TENM1: variants seen among roughly 807,000 people sequenced by gnomAD.
TENM1 encodes teneurin-1.
In TENM1, 35 loss-of-function variants were observed where a neutral mutation model predicts 174.8. The ratio of observed to expected loss-of-function variants is 0.20; its 90% CI spans 0.15 to 0.27. The LOEUF is 0.27. Among genes scored for constraint, TENM1 ranks in the 10% least tolerant of loss-of-function variants. TENM1 has a pLI of 1.00. For missense variants in TENM1, 1,633 were observed against 2,130.1 expected, an observed-to-expected ratio of 0.77 and a Z score of 4.59; for synonymous variants, 781 against 798.7, an observed-to-expected ratio of 0.98 and a Z score of 0.37.
chrX:125,085,410 T>A, the TENM1 span, among the ~76,000 whole-genome samples: 4 of 110,984 alleles, frequency 3.6e-5, no homozygotes, highest in Admixed American at 9.6e-5. Flanking sequence ...TTCCCCTTGG[T>A]AATTTTCTAG....
chrX:124,535,299 A>G (rs1305073764), intron 15 of TENM1, among the ~76,000 whole-genome samples: 2 of 111,726 alleles, frequency 1.8e-5, no homozygotes, highest in Admixed American at 1.9e-4. Flanking sequence ...AAGGCATATG[A>G]ACTCCTGGAG....
chrX:125,005,091 T>C, the TENM1 span, among the ~76,000 whole-genome samples: 1 of 109,192 alleles, frequency 9.2e-6, no homozygotes, highest in Non-Finnish European at 1.9e-5. Context: ...GAAAACTAAA[T>C]TTCTATTCAA....
chrX:124,577,190 C>T (rs1345761141), intron 11 of TENM1, among the ~76,000 whole-genome samples: 1 of 111,554 alleles, frequency 9.0e-6, no homozygotes, highest in Non-Finnish European at 1.9e-5. Flanking sequence ...TAGCAATCAT[C>T]AGGCAACCTT....
At chrX:124,926,003 C>T (rs2058086936) in intron 1 of TENM1, among the ~76,000 whole-genome samples, 1 of 112,099 alleles carries the variant, frequency 8.9e-6, no homozygotes, top group South Asian at 3.7e-4. Context: ...GAAACCAATA[C>T]TTCTATATGC....
intron 6 of TENM1, among the ~76,000 whole-genome samples, chrX:124,663,965 G>C (rs1428656485): frequency 9.0e-6 from 1 of 111,356 alleles, no homozygotes. Context: ...TATTGATAAA[G>C]TGATTTAATA....
At chrX:125,017,897 T>C in the TENM1 span, among the ~76,000 whole-genome samples, 2 of 111,221 alleles carry the variant, frequency 1.8e-5, no homozygotes, top group South Asian at 7.6e-4. Flanking sequence ...AGGGATAGCA[T>C]TAGGAGAAAT....
chrX:125,086,039 A>T, the TENM1 span, among the ~76,000 whole-genome samples: 1 of 111,044 alleles, frequency 9.0e-6, no homozygotes, highest in East Asian at 2.8e-4. Context: ...TAAAACTCTA[A>T]CATGAGATTT....
At chrX:124,585,864 G>A (rs1051450692) in intron 11 of TENM1, among the ~76,000 whole-genome samples, 4 of 110,521 alleles carry the variant, frequency 3.6e-5, no homozygotes, top group East Asian at 5.6e-4. Flanking sequence ...TATCACCACC[G>A]ATCCCACAGA....
chrX:124,859,637 T>C (rs1377068477), intron 3 of TENM1, among the ~76,000 whole-genome samples: 1 of 111,500 alleles, frequency 9.0e-6, no homozygotes, highest in African/African-American at 3.3e-5. Flanking sequence ...AATAACATTT[T>C]AGGTTTTGCA....
At chrX:124,769,648 T>G (rs973733416) in intron 3 of TENM1, among the ~76,000 whole-genome samples, 2 of 112,391 alleles carry the variant, frequency 1.8e-5, no homozygotes, top group African/African-American at 6.5e-5. Context: ...AGTACATTTA[T>G]GATACTTTAG....
At position 124,888,103 on chromosome X, in the gene TENM1, T is replaced by G. The variant is rs911326057; in HGVS notation, c.535+6193A>C. Among the ~76,000 whole-genome samples the G allele has an allele frequency of 7.2e-5, 8 of 111,829 alleles. No individual in the cohort carries two copies. The South Asian group carries it at 3.0e-3, about 42-fold the overall frequency. ...AAACCCAGGCATTAGGCTAGCCATT[T>G]TTTTCACAACTCCAGCGGTTTCCTT... On this transcript the variant is annotated intron_variant, in intron 3 of 31. Transcript: ENST00000422452.
intron 22 of TENM1, among the ~76,000 whole-genome samples, chrX:124,479,549 A>G (rs1368221776): frequency 1.8e-5 from 2 of 111,822 alleles, no homozygotes. Context: ...TCAAGAGTTC[A>G]TGTAAATCCT....
the TENM1 span, among the ~76,000 whole-genome samples, chrX:125,161,934 G>C: frequency 4.5e-5 from 5 of 111,991 alleles, no homozygotes; most frequent in Non-Finnish European, 7.5e-5. Flanking sequence ...GTGGATTATG[G>C]TAATTACGTG....
intron 3 of TENM1, among the ~76,000 whole-genome samples, chrX:124,856,724 T>A (rs771239206): frequency 3.1e-4 from 35 of 111,430 alleles, no homozygotes; most frequent in East Asian, 2.8e-4. Flanking sequence ...GAGATGAATA[T>A]TTCTGGACAC....
chrX:124,608,992 A>AGTAT (rs2050223294), intron 11 of TENM1, among the ~76,000 whole-genome samples: 1 of 111,356 alleles, frequency 9.0e-6, no homozygotes, highest in African/African-American at 3.3e-5. Context: ...AATGGTAAAC[A>AGTAT]TACTAACAGA....
At chrX:125,102,879 C>G in the TENM1 span, among the ~76,000 whole-genome samples, 1 of 112,016 alleles carries the variant, frequency 8.9e-6, no homozygotes, top group East Asian at 2.8e-4. Context: ...TGTCCCATCT[C>G]AGTACCCAGT....
At chrX:124,972,927 G>T in the TENM1 span, among the ~76,000 whole-genome samples, 1 of 111,889 alleles carries the variant, frequency 8.9e-6, no homozygotes, top group Non-Finnish European at 1.9e-5. Context: ...TACCTGAGAC[G>T]GGCTAATTTA....
At chrX:124,668,572 C>T (rs1012839799) in intron 6 of TENM1, among the ~76,000 whole-genome samples, 2 of 111,011 alleles carry the variant, frequency 1.8e-5, no homozygotes, top group Admixed American at 9.6e-5. Flanking sequence ...AGCGGGAAAC[C>T]GTCATTCTCA....
chrX:124,842,266 T>C (rs2056517923), intron 3 of TENM1, among the ~76,000 whole-genome samples: 1 of 111,523 alleles, frequency 9.0e-6, no homozygotes, highest in Non-Finnish European at 1.9e-5. Flanking sequence ...AATGAACAAA[T>C]GAAAAACCCC....
Sources: allele counts gnomAD v4.1 joint callset (sites outside exome capture counted in the v4.1 genomes callset), GRCh38; gene constraint gnomAD v4.1.1; transcripts MANE v1.5; gene names NCBI Gene and HGNC (gene_info 2026-07-23, HGNC 2026-07-21).